The following MIPOL1 variants were observed in gnomAD, a reference collection of about 807,000 sequenced individuals.
The protein encoded by MIPOL1 is mirror-image polydactyly 1.
In MIPOL1, 57 loss-of-function variants were observed where a neutral mutation model predicts 60.9. The observed-to-expected ratio is 0.94, with a 90% CI of 0.76 to 1.17. The LOEUF (loss-of-function observed/expected upper bound fraction) is 1.17, where lower values mean the gene tolerates loss of function less well. Ranked by LOEUF, MIPOL1 falls within the 50% of genes most tolerant of loss-of-function variation. The pLI is 0.00. For synonymous variants in MIPOL1, 179 were observed against 168.8 expected (o/e 1.06, Z -0.47); for missense variants, 551 against 511.6 (o/e 1.08, Z -0.74).
At chr14:37,208,869 G>A (rs774180806) in intron 1 of MIPOL1, among the ~76,000 whole-genome samples, 6 of 152,184 alleles carry the variant, frequency 3.9e-5, no homozygotes, top group Non-Finnish European at 8.8e-5. Flanking sequence ...GGGATTACAG[G>A]CATGAGCCAC....
At chr14:37,414,673 G>A (rs990786214) in intron 10 of MIPOL1, among the ~76,000 whole-genome samples, 2 of 152,092 alleles carry the variant, frequency 1.3e-5, no homozygotes, top group Non-Finnish European at 2.9e-5. Context: ...ACAATTACAT[G>A]TTTATGCCTC....
chr14:37,249,829 A>C (rs1366469812), intron 3 of MIPOL1, among the ~76,000 whole-genome samples: 3 of 152,172 alleles, frequency 2.0e-5, no homozygotes, highest in Non-Finnish European at 2.9e-5. Flanking sequence ...TTAAAAAAAA[A>C]CAAAAAGGAA....
intron 12 of MIPOL1, among the ~76,000 whole-genome samples, chr14:37,513,251 C>T (rs1342164709): frequency 3.3e-5 from 5 of 152,036 alleles, no homozygotes; most frequent in Non-Finnish European, 7.4e-5. Flanking sequence ...ATCTCATACT[C>T]TGTTAAACAA....
intron 1 of MIPOL1, among the ~76,000 whole-genome samples, chr14:37,208,200 G>A (rs1005712998): frequency 6.6e-6 from 1 of 152,140 alleles, no homozygotes; most frequent in Admixed American, 6.5e-5. Context: ...GTTTGATTAT[G>A]TATAAATAGT....
chr14:37,546,766 C>A, intron 12 of MIPOL1, 139 bp from the exon 13 acceptor site: 2 of 666,846 alleles, frequency 3.0e-6, no homozygotes, highest in Non-Finnish European at 5.2e-6. Flanking sequence ...CAGTGTCTCT[C>A]ACAGTAATGC....
rs575364492 is a variant in MIPOL1, at chr14:37,375,607, TA to T, written c.936+5987del. Among the ~76,000 whole-genome samples the T allele has an allele frequency of 1.6e-3, 249 of 152,320 alleles. 1 individual carries two copies. The highest frequency in any genetic ancestry group is 5.7e-3 in the African/African-American group (235 of 41,580). ...ATTATAAAAGAGCTCTGATTGTTAA[TA>T]AAACTTTGATATTTATTATGTATTA... On this transcript the variant is annotated intron_variant, in intron 10 of 12. Coordinates refer to ENST00000684589, the MANE Select transcript of MIPOL1 (RefSeq NM_001388067.1).
chr14:37,460,279 A>G (rs2094525140), intron 11 of MIPOL1, among the ~76,000 whole-genome samples: 1 of 152,130 alleles, frequency 6.6e-6, no homozygotes, highest in Admixed American at 6.5e-5. Context: ...GATCATCTCA[A>G]TAGGTGAAGA....
chr14:37,375,206 A>G (rs1228573544), intron 10 of MIPOL1, among the ~76,000 whole-genome samples: 1 of 151,736 alleles, frequency 6.6e-6, no homozygotes, highest in Non-Finnish European at 1.5e-5. Flanking sequence ...AATTATTTTC[A>G]TTATTATTAT....
At chr14:37,399,411 T>C (rs2093439603) in intron 10 of MIPOL1, among the ~76,000 whole-genome samples, 1 of 152,174 alleles carries the variant, frequency 6.6e-6, no homozygotes, top group South Asian at 2.1e-4. Context: ...GTATATTCTG[T>C]TTTTGTTGTT....
intron 1 of MIPOL1, among the ~76,000 whole-genome samples, chr14:37,198,845 C>T (rs531441325): frequency 6.6e-6 from 1 of 151,984 alleles, no homozygotes; most frequent in South Asian, 2.1e-4. Context: ...CTTTTCTTCC[C>T]CAGATAACTT....
intron 1 of MIPOL1, among the ~76,000 whole-genome samples, chr14:37,230,682 A>C (rs1286340835): frequency 1.3e-5 from 2 of 152,192 alleles, no homozygotes; most frequent in East Asian, 3.8e-4. Context: ...GTTATAGATG[A>C]AAAGCTGGGT....
At chr14:37,308,950 T>G (rs2087035925) in intron 9 of MIPOL1, among the ~76,000 whole-genome samples, 1 of 151,988 alleles carries the variant, frequency 6.6e-6, no homozygotes, top group African/African-American at 2.4e-5. Flanking sequence ...TATTCATGTA[T>G]TTTTTTCTGA....
chr14:37,358,299 A>T (rs113004237), intron 9 of MIPOL1, among the ~76,000 whole-genome samples: 147,526 of 152,286 alleles, frequency 0.97, 71,537 homozygotes, highest in East Asian at 1. Flanking sequence ...CAATAAACAT[A>T]CCTGTGCATG....
At chr14:37,355,756 A>T (rs1348353161) in intron 9 of MIPOL1, among the ~76,000 whole-genome samples, 4 of 149,910 alleles carry the variant, frequency 2.7e-5, no homozygotes, top group African/African-American at 9.8e-5. Context: ...TTTCAGCTCC[A>T]TCAGCTGCTT....
intron 3 of MIPOL1, among the ~76,000 whole-genome samples, chr14:37,266,736 C>T (rs1305925754): frequency 6.6e-6 from 1 of 152,166 alleles, no homozygotes; most frequent in African/African-American, 2.4e-5. Context: ...TCTTAAGTCC[C>T]AACTCTTTTT....
chr14:37,306,996 A>T (rs919069305), intron 7 of MIPOL1, among the ~76,000 whole-genome samples: 1 of 151,776 alleles, frequency 6.6e-6, no homozygotes, highest in Non-Finnish European at 1.5e-5. Context: ...ATATATGTGT[A>T]TATATTTTTT....
chr14:37,518,356 A>T (rs1002300761), intron 12 of MIPOL1, among the ~76,000 whole-genome samples: 2 of 152,172 alleles, frequency 1.3e-5, no homozygotes, highest in African/African-American at 4.8e-5. Context: ...TTATTTTATT[A>T]ATTTTTTTGA....
At chr14:37,426,077 A>G (rs2093955104) in intron 11 of MIPOL1, among the ~76,000 whole-genome samples, 1 of 152,172 alleles carries the variant, frequency 6.6e-6, no homozygotes, top group Non-Finnish European at 1.5e-5. Context: ...ATACTTGAGT[A>G]TATTTATGGC....
At chr14:37,496,171 A>C (rs544061417) in intron 11 of MIPOL1, among the ~76,000 whole-genome samples, 1 of 151,308 alleles carries the variant, frequency 6.6e-6, no homozygotes, top group East Asian at 2.0e-4. Flanking sequence ...AGAGCTATCT[A>C]TGACAAACCC....
Sources: gnomAD v4.1 joint callset for allele counts (sites outside exome capture counted in the v4.1 genomes callset) on GRCh38, gnomAD v4.1.1 for gene constraint, MANE v1.5 for transcripts, NCBI Gene and HGNC (gene_info 2026-07-23, HGNC 2026-07-21) for gene names.